The following GABRG3 variants were observed in gnomAD, a reference collection of about 807,000 sequenced individuals.
GABRG3 encodes gamma-aminobutyric acid receptor subunit gamma-3.
GABRG3 carries 25 observed loss-of-function variants against 48.8 expected under a neutral mutation model. The observed-to-expected ratio is 0.51, with a 90% CI of 0.37 to 0.72. The LOEUF (loss-of-function observed/expected upper bound fraction) is 0.72. GABRG3 is among the 30% of genes least tolerant of loss of function. GABRG3 has a pLI of 0.00. For missense variants in GABRG3, 394 were observed against 577.9 expected, an observed-to-expected ratio of 0.68 and a Z score of 3.26; for synonymous variants, 227 against 217.6, an observed-to-expected ratio of 1.04 and a Z score of -0.38.
At chr15:27,043,324 G>A (rs930897157) in intron 3 of GABRG3, among the ~76,000 whole-genome samples, 9 of 152,272 alleles carry the variant, frequency 5.9e-5, no homozygotes, top group African/African-American at 2.2e-4. Flanking sequence ...AGAGTTTATA[G>A]GAGACCGTGG....
intron 6 of GABRG3, chr15:27,481,026 T>C: frequency 7.6e-7 from 1 of 1,322,318 alleles, no homozygotes; most frequent in Admixed American, 3.3e-5. Flanking sequence ...TCTATAAACC[T>C]AGCTATAAAC....
At chr15:27,410,391 T>C (rs1001882802) in intron 5 of GABRG3, among the ~76,000 whole-genome samples, 1 of 152,170 alleles carries the variant, frequency 6.6e-6, no homozygotes, top group Admixed American at 6.6e-5. Context: ...TTAGGTGATA[T>C]TGACCTTATA....
intron 2 of GABRG3, among the ~76,000 whole-genome samples, chr15:27,000,945 C>A (rs947099138): frequency 1.4e-4 from 21 of 152,158 alleles, no homozygotes; most frequent in African/African-American, 4.8e-4. Flanking sequence ...TGTTCCCAGT[C>A]ATATGGGGAG....
intron 3 of GABRG3, among the ~76,000 whole-genome samples, chr15:27,206,574 C>T (rs961266092): frequency 1.3e-5 from 2 of 152,110 alleles, no homozygotes; most frequent in Non-Finnish European, 2.9e-5. Context: ...TCCATTTGAT[C>T]AAGTGTCGAA....
chr15:27,308,171 T>C (rs1892766741), intron 3 of GABRG3, among the ~76,000 whole-genome samples: 1 of 92,652 alleles, frequency 1.1e-5, no homozygotes, highest in African/African-American at 4.2e-5. Context: ...AACATATATG[T>C]TTATATATCC....
chr15:27,146,441 G>A (rs538791075), intron 3 of GABRG3, among the ~76,000 whole-genome samples: 8 of 152,158 alleles, frequency 5.3e-5, no homozygotes, highest in South Asian at 2.1e-4. Context: ...TGCGTGACAC[G>A]GTGAGACTCT....
chr15:27,203,300 A>G (rs1262304371), intron 3 of GABRG3, among the ~76,000 whole-genome samples: 1 of 152,124 alleles, frequency 6.6e-6, no homozygotes, highest in African/African-American at 2.4e-5. Flanking sequence ...CGCAGTATTT[A>G]GTTTTCTGTT....
chr15:27,513,473 A>C (rs1366309546), intron 6 of GABRG3, among the ~76,000 whole-genome samples: 1 of 152,024 alleles, frequency 6.6e-6, no homozygotes, highest in African/African-American at 2.4e-5. Flanking sequence ...AAAAAAATGA[A>C]AGCCACATTA....
At chr15:27,350,328 T>C (rs1049525251) in intron 5 of GABRG3, 5 of 377,118 alleles carry the variant, frequency 1.3e-5, no homozygotes, top group Admixed American at 3.2e-5. Context: ...TCACATTTTC[T>C]GACTTCTCAT....
At chr15:27,206,040 T>C (rs1276768002) in intron 3 of GABRG3, among the ~76,000 whole-genome samples, 1 of 151,944 alleles carries the variant, frequency 6.6e-6, no homozygotes, top group Non-Finnish European at 1.5e-5. Flanking sequence ...TGATCTTTTG[T>C]AAGCCATTTC....
intron 3 of GABRG3, among the ~76,000 whole-genome samples, chr15:27,124,088 A>G (rs1897777291): frequency 6.6e-6 from 1 of 152,196 alleles, no homozygotes. Context: ...GTCAACCCTC[A>G]GCAGTTTAAC....
chr15:27,308,440 T>C (rs540212567), intron 3 of GABRG3, among the ~76,000 whole-genome samples: 1 of 144,526 alleles, frequency 6.9e-6, no homozygotes, highest in African/African-American at 2.6e-5. Context: ...TACCTGTTTA[T>C]ATAAACATAT....
At chr15:27,316,493 C>T (rs558614723) in intron 3 of GABRG3, among the ~76,000 whole-genome samples, 7 of 151,612 alleles carry the variant, frequency 4.6e-5, no homozygotes, top group Admixed American at 6.6e-5. Context: ...TGGGAAGTCA[C>T]GAAGACTACC....
At chr15:27,442,213 C>T (rs1472914674) in intron 5 of GABRG3, among the ~76,000 whole-genome samples, 1 of 152,146 alleles carries the variant, frequency 6.6e-6, no homozygotes, top group South Asian at 2.1e-4. Context: ...CTCTTGGTCT[C>T]AGCTCCTACT....
intron 3 of GABRG3, among the ~76,000 whole-genome samples, chr15:27,312,777 C>T (rs968905380): frequency 6.6e-6 from 1 of 151,858 alleles, no homozygotes; most frequent in African/African-American, 2.4e-5. Flanking sequence ...ATGTTAATAC[C>T]TTCAAGATGA....
chr15:27,323,937 G>A (rs921308137), intron 3 of GABRG3, among the ~76,000 whole-genome samples: 8 of 152,152 alleles, frequency 5.3e-5, no homozygotes, highest in African/African-American at 1.9e-4. Flanking sequence ...CTCTTCCAGG[G>A]CCCTCCGAGG....
chr15:27,361,086 C>T (rs79480455), intron 5 of GABRG3, among the ~76,000 whole-genome samples: 5,408 of 152,320 alleles, frequency 0.036, 148 homozygotes, highest in Middle Eastern at 0.054. Flanking sequence ...TGGCAAGGGG[C>T]AGGCCCTCAG....
At chr15:27,211,291 T>C (rs780672532) in intron 3 of GABRG3, among the ~76,000 whole-genome samples, 1 of 152,152 alleles carries the variant, frequency 6.6e-6, no homozygotes, top group East Asian at 1.9e-4. Context: ...AACATTATTA[T>C]AGAAATGAAA....
intron 3 of GABRG3, among the ~76,000 whole-genome samples, chr15:27,313,888 AAAC>A (rs1403180552): frequency 6.6e-6 from 1 of 152,108 alleles, no homozygotes; most frequent in Non-Finnish European, 1.5e-5. Context: ...TACCTGAAGT[AAAC>A]AACCTAACTT....
Sources: allele counts gnomAD v4.1 joint callset (sites outside exome capture counted in the v4.1 genomes callset), GRCh38; gene constraint gnomAD v4.1.1; transcripts MANE v1.5; gene names NCBI Gene and HGNC (gene_info 2026-07-23, HGNC 2026-07-21).